The following GLIS3 variants were observed in gnomAD, a reference collection of about 807,000 sequenced individuals.
GLIS3 encodes zinc finger protein GLIS3.
In GLIS3, 53 loss-of-function variants were observed where a neutral mutation model predicts 78.6. That is an observed-to-expected ratio of 0.67 (90% CI 0.54 to 0.85). GLIS3 has a LOEUF of 0.85. GLIS3 is among the 40% of genes least tolerant of loss of function. GLIS3 has a pLI of 0.00. For synonymous variants in GLIS3, 684 were observed against 509.9 expected, an observed-to-expected ratio of 1.34 and a Z score of -4.60; for missense variants, 1,703 against 1,231.1, an observed-to-expected ratio of 1.38 and a Z score of -5.74.
At chr9:4,380,254 T>C in the GLIS3 span, among the ~76,000 whole-genome samples, 1 of 152,228 alleles carries the variant, frequency 6.6e-6, no homozygotes, top group Non-Finnish European at 1.5e-5. Flanking sequence ...ATTTAACTGT[T>C]TCTTTTTTAA....
chr9:4,181,911 G>C (rs902434696), intron 2 of GLIS3, among the ~76,000 whole-genome samples: 8 of 152,194 alleles, frequency 5.3e-5, no homozygotes, highest in Non-Finnish European at 1.2e-4. Flanking sequence ...AACCGAGTTA[G>C]CCCAGACCAT....
At chr9:3,848,122 T>C (rs542731639) in intron 9 of GLIS3, among the ~76,000 whole-genome samples, 12 of 152,382 alleles carry the variant, frequency 7.9e-5, no homozygotes, top group African/African-American at 2.4e-4. Context: ...CTTGACTTAC[T>C]GCTTTATTAT....
intron 2 of GLIS3, among the ~76,000 whole-genome samples, chr9:4,161,247 T>G (rs1465795834): frequency 6.6e-6 from 1 of 152,094 alleles, no homozygotes; most frequent in African/African-American, 2.4e-5. Context: ...CACTCCAGCC[T>G]GGGAGACAAA....
In GLIS3 at chr9:4,039,761, G is replaced by A. The variant is rs917725686; in HGVS notation, c.1710+78007C>T. On this transcript the variant is annotated intron_variant, in intron 4 of 10. Transcript: ENST00000381971. ...TCTGTTAGGGTCATAGAAATGTCTGGGAGATGTTGAGTGTTTTTCAATGAC... is the reference window on the plus strand; with the variant it reads ...TCTGTTAGGGTCATAGAAATGTCTGAGAGATGTTGAGTGTTTTTCAATGAC... 1.3e-5 allele frequency among the ~76,000 whole-genome samples: 2 copies of A among 152,178 alleles called. 1 individual carries two copies. Among genetic ancestry groups the A allele is most frequent in the African/African-American group, 4.8e-5 (2 of 41,446 alleles).
At chr9:4,466,831 G>A in the GLIS3 span, among the ~76,000 whole-genome samples, 6 of 152,208 alleles carry the variant, frequency 3.9e-5, no homozygotes, top group Non-Finnish European at 8.8e-5. Flanking sequence ...GCAGTGCAGG[G>A]CATCGCCTCA....
Position 4,334,351 on chromosome 9 carries a change from G to C in GLIS3, n.264+12730C>G, listed in dbSNP as rs77185470. On this transcript the variant is annotated intron_variant and non_coding_transcript_variant, in intron 2 of 4. Transcript: ENST00000471664. ...AACAAGCAACAATTAAAACGTGGCA[G>C]CTACAGAGTATGTGGGTAGACAGAA... 7.4e-3 allele frequency among the ~76,000 whole-genome samples: 1,120 copies of C among 152,308 alleles called. 13 individuals are homozygous for C. Among genetic ancestry groups the C allele is most frequent in the African/African-American group, 0.025 (1,059 of 41,560 alleles).
intron 2 of GLIS3, among the ~76,000 whole-genome samples, chr9:4,207,985 T>C (rs1216739646): frequency 7.2e-5 from 11 of 152,202 alleles, no homozygotes; most frequent in African/African-American, 2.2e-4. Context: ...CGGTGTGCTT[T>C]AAACAGCACA....
intron 3 of GLIS3, among the ~76,000 whole-genome samples, chr9:4,121,663 C>CACA (rs1385781169): frequency 1.6e-5 from 2 of 127,088 alleles, no homozygotes; most frequent in African/African-American, 2.9e-5. Context: ...ACACACACAC[C>CACA]CCAAAGTTCT....
At chr9:3,937,320 T>A in intron 4 of GLIS3, 131 bp from the exon 5 acceptor site, 1 of 861,746 alleles carries the variant, frequency 1.2e-6, no homozygotes, top group Non-Finnish European at 1.8e-6. Context: ...ATCCAAACAG[T>A]AATAAATATT....
At chr9:4,050,441 C>G (rs1337482687) in intron 4 of GLIS3, among the ~76,000 whole-genome samples, 2 of 152,060 alleles carry the variant, frequency 1.3e-5, no homozygotes, top group East Asian at 1.9e-4. Context: ...ACACCAGGGC[C>G]TGTTGGTGGG....
intron 4 of GLIS3, among the ~76,000 whole-genome samples, chr9:4,116,803 T>C (rs1486355623): frequency 2.6e-5 from 4 of 152,232 alleles, no homozygotes; most frequent in Non-Finnish European, 5.9e-5. Context: ...ATAGAAATCT[T>C]AGACTTTAAA....
At chr9:4,349,721 G>GA (rs34085309), upstream of GLIS3, among the ~76,000 whole-genome samples, 242 of 150,858 alleles carry the variant, frequency 1.6e-3, no homozygotes, top group Non-Finnish European at 2.2e-3. Flanking sequence ...ATAAAAGACA[G>GA]AAAAAAAAAT....
chr9:4,058,685 T>C (rs1001529034), intron 4 of GLIS3, among the ~76,000 whole-genome samples: 1 of 152,132 alleles, frequency 6.6e-6, no homozygotes, highest in Non-Finnish European at 1.5e-5. Context: ...GCCAAATATT[T>C]TGTGTAAAAG....
chr9:4,321,464 T>A (rs1472228034), intron 2 of GLIS3, among the ~76,000 whole-genome samples: 113 of 42,766 alleles, frequency 2.6e-3, no homozygotes, highest in Non-Finnish European at 6.0e-3. Context: ...AAAAAAAAAA[T>A]CAGGTGCCTA....
At chr9:4,300,813 C>A (rs567606910), upstream of GLIS3, among the ~76,000 whole-genome samples, 1 of 151,994 alleles carries the variant, frequency 6.6e-6, no homozygotes, top group South Asian at 2.1e-4. Flanking sequence ...TGTATTGCCA[C>A]AGATGCAAGG....
At chr9:4,410,739 G>A in the GLIS3 span, among the ~76,000 whole-genome samples, 1 of 152,194 alleles carries the variant, frequency 6.6e-6, no homozygotes, top group Non-Finnish European at 1.5e-5. Flanking sequence ...GCATTACTCT[G>A]ATAGGTACTC....
intron 2 of GLIS3, among the ~76,000 whole-genome samples, chr9:4,246,243 CAAATT>C (rs766599548): frequency 1.1e-4 from 16 of 152,112 alleles, no homozygotes; most frequent in Non-Finnish European, 1.5e-4. Flanking sequence ...TCAAAAGAAA[CAAATT>C]AAACACAATT....
chr9:4,128,991 A>C (rs758885209), intron 2 of GLIS3, among the ~76,000 whole-genome samples: 14 of 152,224 alleles, frequency 9.2e-5, no homozygotes, highest in Non-Finnish European at 1.8e-4. Flanking sequence ...TGAAGCATGA[A>C]AATTAATGGT....
chr9:4,036,360 C>G (rs1293747261), intron 4 of GLIS3, among the ~76,000 whole-genome samples: 1 of 151,512 alleles, frequency 6.6e-6, no homozygotes, highest in Non-Finnish European at 1.5e-5. Context: ...TTTTACTATT[C>G]TCTGCTCCCC....
Sources: allele counts gnomAD v4.1 joint callset (sites outside exome capture counted in the v4.1 genomes callset), GRCh38; gene constraint gnomAD v4.1.1; transcripts MANE v1.5; gene names NCBI Gene and HGNC (gene_info 2026-07-23, HGNC 2026-07-21).